The following CCDC7 variants were observed in gnomAD, a reference collection of about 807,000 sequenced individuals.
CCDC7 encodes the protein coiled-coil domain containing 7.
Under a neutral mutation model 196.9 loss-of-function variants are expected in CCDC7, and 183 were observed. The ratio of observed to expected loss-of-function variants is 0.93; its 90% CI spans 0.82 to 1.05. CCDC7 has a LOEUF of 1.05. Ranked by LOEUF, CCDC7 falls within the 50% of genes least tolerant of loss-of-function variation. The probability of loss-of-function intolerance (pLI) is 0.00; values close to 1 mark genes in which losing one functional copy is unlikely to be tolerated. For synonymous variants in CCDC7, 525 were observed against 484.6 expected (o/e 1.08, Z -1.10); for missense variants, 1,540 against 1,482.2 (o/e 1.04, Z -0.64).
At chr10:32,514,008 A>G (rs1256704964) in intron 9 of CCDC7, 1 of 152,218 alleles carries the variant, frequency 6.6e-6, no homozygotes, top group Non-Finnish European at 1.5e-5. Context: ...AAAAGGAAAT[A>G]AAAGTGTCTG....
intron 24 of CCDC7, among the ~76,000 whole-genome samples, chr10:32,706,415 G>A (rs888046300): frequency 4.6e-5 from 7 of 151,936 alleles, no homozygotes; most frequent in African/African-American, 1.4e-4. Flanking sequence ...AAGAACTAGA[G>A]AAGCAAGAGC....
chr10:32,474,024 G>T lies in CCDC7; in HGVS notation c.796+1G>T, dbSNP rs150437631. The T allele has an allele frequency of 6.2e-7, 1 of 1,610,568 alleles. No individual in the cohort carries two copies. The highest frequency in any genetic ancestry group is 8.5e-7 in the Non-Finnish European group (1 of 1,178,646). On this transcript the variant is annotated splice_donor_variant, in intron 8 of 41. Transcript: ENST00000639629. LOFTEE classifies it high-confidence loss of function. ...AAAGATGTTTCTGCAACAGAACCAC[G>T]TAAGTTTCCACTCATTAAAGCATTA...
At chr10:32,584,248 AACAATT>A in exon 18 of CCDC7, 1 of 1,589,150 alleles carries the variant, frequency 6.3e-7, no homozygotes, top group East Asian at 2.3e-5. Context: ...GTTTCAGAAG[AACAATT>A]ACAAAAGATG....
chr10:32,477,393 G>A (rs2039190255), intron 8 of CCDC7, among the ~76,000 whole-genome samples: 1 of 151,856 alleles, frequency 6.6e-6, no homozygotes, highest in African/African-American at 2.4e-5. Flanking sequence ...AGTAGAGATG[G>A]GGTTTCACCA....
intron 9 of CCDC7, among the ~76,000 whole-genome samples, chr10:32,501,318 T>G (rs1320430851): frequency 1.6e-4 from 24 of 152,128 alleles, no homozygotes; most frequent in Admixed American, 7.2e-4. Flanking sequence ...TGGCATTGGG[T>G]TAGAACATGC....
chr10:32,769,828 G>A (rs907310204), intron 28 of CCDC7, among the ~76,000 whole-genome samples: 1 of 152,162 alleles, frequency 6.6e-6, no homozygotes, highest in Non-Finnish European at 1.5e-5. Flanking sequence ...TTTTATGTCT[G>A]CATAGTATTC....
intron 24 of CCDC7, among the ~76,000 whole-genome samples, chr10:32,700,821 T>G (rs1387826235): frequency 6.6e-6 from 1 of 152,216 alleles, no homozygotes. Flanking sequence ...GAAGCAAATG[T>G]GAATGGGAAT....
chr10:32,804,937 AC>A, intron 29 of CCDC7, 77 bp from the exon 31 acceptor site: 2 of 814,860 alleles, frequency 2.5e-6, no homozygotes, highest in Non-Finnish European at 2.1e-6. Context: ...TAATACACAC[AC>A]ACACACACAC....
chr10:32,518,525 T>C lies in CCDC7; in HGVS notation c.993+20T>C. Reference sequence around the variant, plus strand: ...AAAGAGGTTGGAAAAATTTTAGTGTTTGAAAATGGCATACACCTAATAAGG... The same window carrying C: ...AAAGAGGTTGGAAAAATTTTAGTGTCTGAAAATGGCATACACCTAATAAGG... On this transcript the variant is annotated intron_variant, in intron 11 of 41. Coordinates refer to ENST00000639629, the Ensembl canonical transcript of CCDC7. 6.3e-7 allele frequency: 1 copy of C among 1,596,120 alleles called. No homozygotes were observed. Among genetic ancestry groups the C allele is most frequent in the Non-Finnish European group, 8.5e-7 (1 of 1,171,380 alleles).
At chr10:32,646,613 G>A (rs369438628) in intron 20 of CCDC7, among the ~76,000 whole-genome samples, 5 of 152,172 alleles carry the variant, frequency 3.3e-5, no homozygotes, top group African/African-American at 1.2e-4. Flanking sequence ...ATAAAGGTGT[G>A]GGGGGTTACA....
intron 21 of CCDC7, chr10:32,675,589 G>A (rs1623343): frequency 0.92 from 140,797 of 152,408 alleles, 66,017 homozygotes; most frequent in East Asian, 1. Context: ...TTATCAATAT[G>A]TTTACTTGCT....
chr10:32,828,650 C>A (rs2091762608), intron 32 of CCDC7, among the ~76,000 whole-genome samples: 1 of 152,124 alleles, frequency 6.6e-6, no homozygotes, highest in Non-Finnish European at 1.5e-5. Context: ...GCTGGAATGG[C>A]CTTTTGAAGT....
At chr10:32,870,876 T>A (rs2094403146) in intron 41 of CCDC7, among the ~76,000 whole-genome samples, 1 of 152,206 alleles carries the variant, frequency 6.6e-6, no homozygotes, top group Non-Finnish European at 1.5e-5. Context: ...TCTTTTGTTC[T>A]GTTTATATGC....
intron 22 of CCDC7, among the ~76,000 whole-genome samples, 167 bp from the exon 24 acceptor site, chr10:32,688,886 T>C (rs907207579): frequency 1.3e-5 from 2 of 152,198 alleles, no homozygotes; most frequent in Middle Eastern, 3.2e-3. Context: ...CACACACCCA[T>C]TGAAACTCTT....
At chr10:32,874,753 T>TACACAC (rs3035173) in intron 41 of CCDC7, among the ~76,000 whole-genome samples, 19,582 of 145,218 alleles carry the variant, frequency 0.13, 1,660 homozygotes, top group East Asian at 0.3. Flanking sequence ...CCAACATATC[T>TACACAC]ACACACACAC....
intron 41 of CCDC7, among the ~76,000 whole-genome samples, chr10:32,870,170 G>A (rs141616074): frequency 2.6e-5 from 4 of 152,034 alleles, no homozygotes; most frequent in African/African-American, 7.2e-5. Flanking sequence ...CATTGAATCT[G>A]TAAATTACCT....
chr10:32,704,865 C>T (rs559986744), intron 24 of CCDC7, among the ~76,000 whole-genome samples: 13 of 152,236 alleles, frequency 8.5e-5, no homozygotes, highest in South Asian at 4.1e-4. Flanking sequence ...GTTGGAAAAG[C>T]GCAGTATTAG....
intron 11 of CCDC7, among the ~76,000 whole-genome samples, chr10:32,530,481 T>C (rs1271667543): frequency 6.6e-6 from 1 of 152,196 alleles, no homozygotes; most frequent in African/African-American, 2.4e-5. Flanking sequence ...AAGACAAGGA[T>C]GCCTACTGTC....
intron 25 of CCDC7, among the ~76,000 whole-genome samples, chr10:32,724,954 T>G (rs1389842117): frequency 1.3e-5 from 2 of 152,118 alleles, no homozygotes; most frequent in Admixed American, 1.3e-4. Context: ...TTTGTACTTG[T>G]CTATGGGTGT....
Sources: gnomAD v4.1 joint callset for allele counts (sites outside exome capture counted in the v4.1 genomes callset) on GRCh38, gnomAD v4.1.1 for gene constraint, MANE v1.5 for transcripts, NCBI Gene and HGNC (gene_info 2026-07-23, HGNC 2026-07-21) for gene names.